Variants in PLEKHO2 observed in about 807,000 individuals in gnomAD.
The protein encoded by PLEKHO2 is pleckstrin homology domain-containing family O member 2.
Under a neutral mutation model 32.7 loss-of-function variants are expected in PLEKHO2, and 20 were observed. The observed-to-expected ratio is 0.61, with a 90% CI of 0.43 to 0.89. PLEKHO2 has a LOEUF of 0.89. Ranked by LOEUF, PLEKHO2 falls within the 40% of genes least tolerant of loss-of-function variation. PLEKHO2 has a pLI of 0.00. For synonymous variants in PLEKHO2, 247 were observed against 246.3 expected (o/e 1.00, Z -0.03); for missense variants, 568 against 621.2 (o/e 0.91, Z 0.91).
intron 1 of PLEKHO2, among the ~76,000 whole-genome samples, chr15:64,842,396 G>GTC: frequency 6.7e-6 from 1 of 149,908 alleles, no homozygotes; most frequent in East Asian, 1.9e-4. Context: ...CTCTCTGTGT[G>GTC]TGTGTGTGTG....
At position 64,864,884 on chromosome 15, in the gene PLEKHO2, C is replaced by A; in HGVS notation, c.484-15C>A. 2 of 1,549,118 alleles carry A rather than the reference C, an allele frequency of 1.3e-6. No homozygotes were observed. The highest frequency in any genetic ancestry group is 1.7e-6 in the Non-Finnish European group (2 of 1,154,990). On this transcript the variant is annotated splice_polypyrimidine_tract_variant and intron_variant, in intron 5 of 5. Coordinates refer to ENST00000323544, the MANE Select transcript of PLEKHO2 (RefSeq NM_025201.5). ...GTCAGCCAAGATGACACCCATATAC[C>A]ATCCCCCCCACCAGGTGGCCAGTGC...
At chr15:64,861,847 A>T (rs529621495) in intron 5 of PLEKHO2, among the ~76,000 whole-genome samples, 1 of 152,318 alleles carries the variant, frequency 6.6e-6, no homozygotes, top group African/African-American at 2.4e-5. Flanking sequence ...ACTGAAGCCC[A>T]TGAGGCCAGT....
intron 1 of PLEKHO2, among the ~76,000 whole-genome samples, chr15:64,847,077 GCTT>G (rs2084527707): frequency 6.6e-6 from 1 of 152,190 alleles, no homozygotes; most frequent in Admixed American, 6.5e-5. Flanking sequence ...TAAGTGGTTT[GCTT>G]CAGTCTGCAT....
chr15:64,861,529 G>A lies in PLEKHO2; in HGVS notation c.437G>A (p.Arg146Gln), dbSNP rs748867208. The A allele has an allele frequency of 9.9e-6, 16 of 1,608,996 alleles. No individual in the cohort carries two copies. The highest frequency in any genetic ancestry group is 1.6e-4 in the Middle Eastern group (1 of 6,072). The part of the protein sequence containing the change: ...ALEHVTRDRV[R>Q]GGQRRRPPTR... Reference sequence around the variant, plus strand: ...GAGCATGTGACACGGGACCGGGTGCGAGGGGGCCAGCGACGCCGGCCACCA... The same window carrying A: ...GAGCATGTGACACGGGACCGGGTGCAAGGGGGCCAGCGACGCCGGCCACCA... Residue 146 changes from arginine to glutamine, a missense_variant, in exon 5 of 6, where the codon CGA (arginine) becomes CAA (glutamine). By Grantham distance (43) the Arg-to-Gln change is conservative (BLOSUM62 1). Coordinates refer to ENST00000323544, the MANE Select transcript of PLEKHO2 (RefSeq NM_025201.5).
chr15:64,854,817 G>A (rs1417838821), intron 2 of PLEKHO2, 104 bp from the exon 3 acceptor site: 1 of 867,580 alleles, frequency 1.2e-6, no homozygotes, highest in Non-Finnish European at 1.9e-6. Context: ...CTCTAACCAA[G>A]TGATGTCCTC....
At chr15:64,845,787 G>A (rs1054449148) in intron 1 of PLEKHO2, among the ~76,000 whole-genome samples, 19 of 152,216 alleles carry the variant, frequency 1.2e-4, no homozygotes, top group Non-Finnish European at 2.2e-4. Flanking sequence ...GCCCTAGGGA[G>A]CTTCCAGAGG....
At chr15:64,862,821 C>T (rs1271393050) in intron 5 of PLEKHO2, among the ~76,000 whole-genome samples, 1 of 151,838 alleles carries the variant, frequency 6.6e-6, no homozygotes, top group African/African-American at 2.4e-5. Context: ...TACATGTGCA[C>T]AATGTGCAGG....
chr15:64,842,081 G>C, intron 1 of PLEKHO2, 53 bp downstream of exon 1: 1 of 1,228,802 alleles, frequency 8.1e-7, no homozygotes, highest in South Asian at 4.0e-5. Flanking sequence ...GCCCCTCACG[G>C]GGATTGCGGT....
Position 64,865,459 on chromosome 15 carries a change from C to T in PLEKHO2, c.1044C>T (p.Asp348=). 6.2e-7 allele frequency: 1 copy of T among 1,614,046 alleles called. No individual in the cohort carries two copies. Among genetic ancestry groups the T allele is most frequent in the Middle Eastern group, 1.6e-4 (1 of 6,062 alleles). Residue 348 remains aspartate (D), a synonymous_variant, in exon 6 of 6, where the codon GAC becomes GAT. Transcript: ENST00000323544. ...AGGTCTCAGTGAATGGCATGGATGA[C>T]AGTCCTGAGCCTGCCAAGCCCTCTC... ...TVQVSVNGMD[D]SPEPAKPSQA...
chr15:64,865,018 G>A lies in PLEKHO2; in HGVS notation c.603G>A (p.Arg201=). The change falls in exon 6 of 6, where the codon CGG becomes CGA. Residue 201 remains arginine, a synonymous_variant. Coordinates refer to ENST00000323544, the MANE Select transcript of PLEKHO2 (RefSeq NM_025201.5). Reference sequence around the variant, plus strand: ...AAGCCCAACCTCGGGAGACACCCCGGCCCCTCATGCCTCCTACCAAGCCTT... The same window carrying A: ...AAGCCCAACCTCGGGAGACACCCCGACCCCTCATGCCTCCTACCAAGCCTT... ...VSEAQPRETP[R]PLMPPTKPFL... is the part of the protein sequence containing the mutation. 6.2e-7 allele frequency: 1 copy of A among 1,614,074 alleles called. No homozygotes were observed. The highest frequency in any genetic ancestry group is 1.7e-5 in the Admixed American group (1 of 60,016).
intron 1 of PLEKHO2, among the ~76,000 whole-genome samples, chr15:64,846,130 G>A (rs1265000059): frequency 6.6e-6 from 1 of 152,136 alleles, no homozygotes; most frequent in Non-Finnish European, 1.5e-5. Flanking sequence ...AGCCTGCAGG[G>A]CTCGCTGAAG....
At chr15:64,855,069 C>T in intron 3 of PLEKHO2, 32 bp downstream of exon 3, 1 of 1,529,750 alleles carries the variant, frequency 6.5e-7, no homozygotes, top group South Asian at 1.2e-5. Context: ...CCCCATCTCC[C>T]TCTAGCCCAG....
In PLEKHO2 at chr15:64,848,359, A is replaced by G. The variant is rs538819361; in HGVS notation, c.13-234A>G. Among the ~76,000 whole-genome samples, 6 of 152,328 alleles carry G rather than the reference A, an allele frequency of 3.9e-5. No individual in the cohort carries two copies. In the South Asian group the frequency reaches 1.0e-3, roughly 26 times the overall value. Reference sequence around the variant, plus strand: ...GGAGTTGTAAGAGTGAAATGACACTATGTGTATCAAATGTTATACAGTGGC... The same window carrying G: ...GGAGTTGTAAGAGTGAAATGACACTGTGTGTATCAAATGTTATACAGTGGC... On this transcript the variant is annotated intron_variant, in intron 1 of 5. Transcript: ENST00000323544.
chr15:64,860,116 G>T, intron 4 of PLEKHO2, 118 bp downstream of exon 4: 1 of 839,186 alleles, frequency 1.2e-6, no homozygotes, highest in Non-Finnish European at 1.9e-6. Context: ...TCACTGCTAT[G>T]GGGCATTGTT....
intron 3 of PLEKHO2, among the ~76,000 whole-genome samples, chr15:64,858,783 T>A (rs2084622955): frequency 6.6e-6 from 1 of 152,148 alleles, no homozygotes; most frequent in Non-Finnish European, 1.5e-5. Context: ...TAAAAAAAAA[T>A]TTACCATCTT....
intron 5 of PLEKHO2, among the ~76,000 whole-genome samples, chr15:64,862,379 C>T (rs2084647382): frequency 6.6e-6 from 1 of 151,582 alleles, no homozygotes; most frequent in Admixed American, 6.6e-5. Context: ...GCCACCTGGG[C>T]TTGTGATTGA....
At chr15:64,863,988 C>T (rs1807282754) in intron 5 of PLEKHO2, among the ~76,000 whole-genome samples, 1 of 152,146 alleles carries the variant, frequency 6.6e-6, no homozygotes, top group South Asian at 2.1e-4. Context: ...GGTGATCAGC[C>T]TGCCTCGGCC....
intron 2 of PLEKHO2, among the ~76,000 whole-genome samples, chr15:64,852,650 G>A (rs904599414): frequency 4.0e-5 from 6 of 151,404 alleles, no homozygotes; most frequent in African/African-American, 7.3e-5. Flanking sequence ...AGAAGGAGTC[G>A]CCCTCTGTCA....
Position 64,842,271 on chromosome 15 carries a change from C to T in PLEKHO2, c.12+243C>T, listed in dbSNP as rs940642321. Among the ~76,000 whole-genome samples the T allele has an allele frequency of 2.0e-5, 3 of 152,318 alleles. No individual in the cohort carries two copies. In the South Asian group the frequency reaches 6.2e-4, roughly 32 times the overall value. On this transcript the variant is annotated intron_variant, in intron 1 of 5. Coordinates refer to ENST00000323544, the MANE Select transcript of PLEKHO2 (RefSeq NM_025201.5). ...GTGGGGCGTCGTGGTTGTTACCGTT[C>T]CCATTGGATTGACCAGGAGACTGAG...
Sources: gnomAD v4.1 joint callset for allele counts (sites outside exome capture counted in the v4.1 genomes callset) on GRCh38, gnomAD v4.1.1 for gene constraint, MANE v1.5 for transcripts, NCBI Gene and HGNC (gene_info 2026-07-23, HGNC 2026-07-21) for gene names.